RUNX1T1: variants seen among roughly 807,000 people sequenced by gnomAD.
RUNX1T1 encodes the protein protein CBFA2T1.
RUNX1T1 carries 4 observed loss-of-function variants against 62.8 expected under a neutral mutation model. The ratio of observed to expected loss-of-function variants is 0.06; its 90% confidence interval spans 0.03 to 0.15. The LOEUF (loss-of-function observed/expected upper bound fraction) is 0.15. Ranked by LOEUF, RUNX1T1 falls within the 10% of genes least tolerant of loss-of-function variation. The pLI is 1.00. For synonymous variants in RUNX1T1, 291 were observed against 286.0 expected (o/e 1.02, Z -0.18); for missense variants, 508 against 754.3 (o/e 0.67, Z 3.82).
At chr8:92,001,375 A>C (rs758231259) in intron 5 of RUNX1T1, among the ~76,000 whole-genome samples, 12 of 152,200 alleles carry the variant, frequency 7.9e-5, no homozygotes, top group Non-Finnish European at 1.8e-4. Flanking sequence ...GAAAAAAAAC[A>C]TAAAAAGAAT....
upstream of RUNX1T1, chr8:92,099,727 A>G: frequency 1.4e-6 from 1 of 740,340 alleles, no homozygotes; most frequent in Non-Finnish European, 1.7e-6. Flanking sequence ...AGTGCCTGTC[A>G]GCTGATGTTC....
At chr8:92,020,389 A>G (rs942475620) in intron 1 of RUNX1T1, among the ~76,000 whole-genome samples, 4 of 152,216 alleles carry the variant, frequency 2.6e-5, no homozygotes, top group African/African-American at 9.6e-5. Flanking sequence ...ATTAGAGGAC[A>G]TGGTAAAACC....
At chr8:92,005,176 A>G in exon 5 of RUNX1T1, 1 of 1,613,950 alleles carries the variant, frequency 6.2e-7, no homozygotes, top group Non-Finnish European at 8.5e-7. Context: ...TGAGGAGTCA[A>G]CAGGTGAGGT....
intron 1 of RUNX1T1, among the ~76,000 whole-genome samples, chr8:92,061,901 A>G (rs960286617): frequency 6.6e-6 from 1 of 152,200 alleles, no homozygotes; most frequent in African/African-American, 2.4e-5. Flanking sequence ...ACTGGCAACG[A>G]TCACAGAAAC....
At chr8:92,003,077 A>C (rs1273854989) in intron 5 of RUNX1T1, among the ~76,000 whole-genome samples, 1 of 152,190 alleles carries the variant, frequency 6.6e-6, no homozygotes, top group Admixed American at 6.5e-5. Flanking sequence ...TTTGATAAAG[A>C]ATGTTCCATC....
At chr8:91,994,502 G>A (rs1287991495) in intron 5 of RUNX1T1, 1 of 445,984 alleles carries the variant, frequency 2.2e-6, no homozygotes, top group African/African-American at 2.0e-5. Flanking sequence ...TGGCATTGTG[G>A]TGTAGTGGAA....
rs560780392 is a variant in RUNX1T1 at position 92,062,684 on chromosome 8, G to A, written c.-132C>T. 3.7e-5 allele frequency: 60 copies of A among 1,612,364 alleles called. 1 individual carries two copies. The highest frequency in any genetic ancestry group is 3.3e-4 in the South Asian group (30 of 90,966). ...TCAGAGGGGCTGGGGCGGCATCGCC[G>A]GAGGCAGGGTGCTGGGCGCGTGCGC... On this transcript the variant is annotated 5_prime_UTR_variant, in exon 1 of 11. Coordinates refer to ENST00000396218, the Ensembl canonical transcript of RUNX1T1.
At chr8:91,986,776 GC>G (rs1315909535) in intron 7 of RUNX1T1, 110 bp downstream of exon 8, 2 of 716,394 alleles carry the variant, frequency 2.8e-6, no homozygotes, top group Non-Finnish European at 4.9e-6. Context: ...TTCAAGGATA[GC>G]AGGAAAAACA....
chr8:92,012,429 G>A (rs1822127693), intron 3 of RUNX1T1, among the ~76,000 whole-genome samples: 1 of 152,196 alleles, frequency 6.6e-6, no homozygotes, highest in Non-Finnish European at 1.5e-5. Flanking sequence ...AGGGGAGGCT[G>A]GGAAGGGAGG....
chr8:92,033,155 G>A (rs1826576313), intron 1 of RUNX1T1, among the ~76,000 whole-genome samples: 1 of 151,810 alleles, frequency 6.6e-6, no homozygotes, highest in Non-Finnish European at 1.5e-5. Context: ...ATAATATCAA[G>A]TATACAAAGA....
intron 1 of RUNX1T1, among the ~76,000 whole-genome samples, chr8:92,082,437 G>C (rs1835419581): frequency 6.6e-6 from 1 of 152,132 alleles, no homozygotes; most frequent in African/African-American, 2.4e-5. Flanking sequence ...TCTTGGGTAA[G>C]AGAGTAGATC....
rs553215720 is a variant in RUNX1T1 at position 92,082,724 on chromosome 8, T to C, written c.-85-6587A>G. Reference sequence around the variant, plus strand: ...CTACCTCACTGTTCAGTACCATCTGTGGTTCTGAAGCTGATTCATCAGGCA... The same window carrying C: ...CTACCTCACTGTTCAGTACCATCTGCGGTTCTGAAGCTGATTCATCAGGCA... On this transcript the variant is annotated intron_variant, in intron 1 of 11. Transcript: ENST00000265814. 4.6e-5 allele frequency among the ~76,000 whole-genome samples: 7 copies of C among 152,268 alleles called. No individual in the cohort carries two copies. The South Asian group carries it at 8.3e-4, about 18-fold the overall frequency.
chr8:92,075,819 C>T (rs367677643), intron 2 of RUNX1T1, 146 bp downstream of exon 2: 1 of 706,372 alleles, frequency 1.4e-6, no homozygotes. Context: ...ATTTCAAAGA[C>T]AAATGTTTAA....
intron 1 of RUNX1T1, among the ~76,000 whole-genome samples, chr8:92,019,986 T>A (rs1393097255): frequency 6.6e-6 from 1 of 152,210 alleles, no homozygotes; most frequent in Non-Finnish European, 1.5e-5. Context: ...CCAGAATATA[T>A]GTATATGTGC....
chr8:91,972,403 G>A (rs1452778389), intron 9 of RUNX1T1, among the ~76,000 whole-genome samples: 2 of 152,076 alleles, frequency 1.3e-5, no homozygotes, highest in Non-Finnish European at 1.5e-5. Context: ...ATCCATAGTG[G>A]AAATATTAAC....
chr8:92,045,377 A>C (rs779108928), intron 1 of RUNX1T1, among the ~76,000 whole-genome samples: 4 of 152,152 alleles, frequency 2.6e-5, no homozygotes, highest in Non-Finnish European at 5.9e-5. Flanking sequence ...ACCATGATAC[A>C]TTCCCAACTG....
rs79515404 is a variant in RUNX1T1, at chr8:92,032,631, C to T, written c.8-15268G>A. 7.9e-5 allele frequency among the ~76,000 whole-genome samples: 12 copies of T among 152,262 alleles called. No individual in the cohort carries two copies. In the East Asian group the frequency reaches 2.3e-3, roughly 29 times the overall value. Reference sequence around the variant, plus strand: ...AGCCTTAATATAGAAATAGTTCCATCAGGCCAGATGCAGTGGCTCAATTCT... The same window carrying T: ...AGCCTTAATATAGAAATAGTTCCATTAGGCCAGATGCAGTGGCTCAATTCT... On this transcript the variant is annotated intron_variant, in intron 1 of 10. Transcript: ENST00000396218.
intron 4 of RUNX1T1, chr8:92,010,727 A>G (rs1001822638): frequency 3.2e-5 from 9 of 277,952 alleles, no homozygotes; most frequent in Non-Finnish European, 5.3e-5. Flanking sequence ...AATGTAAAAT[A>G]ACATATCTCA....
In RUNX1T1 at chr8:91,972,190, C is replaced by A. The variant is rs530876624; in HGVS notation, c.1268-1342G>T. ...CTGTAGATTAAAAATGTAAGAGATG[C>A]AAGTACTCCTATTGTTTCTTCAATT... On this transcript the variant is annotated intron_variant, in intron 9 of 10. Coordinates refer to ENST00000396218, the Ensembl canonical transcript of RUNX1T1. 1.3e-3 allele frequency among the ~76,000 whole-genome samples: 204 copies of A among 152,142 alleles called. 3 individuals are homozygous for A. The highest frequency in any genetic ancestry group is 2.1e-3 in the Non-Finnish European group (143 of 67,948).
Sources: gnomAD v4.1 joint callset for allele counts (sites outside exome capture counted in the v4.1 genomes callset) on GRCh38, gnomAD v4.1.1 for gene constraint, MANE v1.5 for transcripts, NCBI Gene and HGNC (gene_info 2026-07-23, HGNC 2026-07-21) for gene names.